Variants in CRACDL observed in about 807,000 individuals in gnomAD.
CRACDL encodes the protein CRACD like.
CRACDL carries 26 observed loss-of-function variants against 70.6 expected under a neutral mutation model. The ratio of observed to expected loss-of-function variants is 0.37; its 90% confidence interval spans 0.27 to 0.51. CRACDL has a LOEUF of 0.51. Among genes scored for constraint, CRACDL ranks in the 20% least tolerant of loss-of-function variants. The pLI is 0.94. For synonymous variants in CRACDL, 618 were observed against 615.2 expected, an observed-to-expected ratio of 1.00 and a Z score of -0.07; for missense variants, 1,283 against 1,376.9, an observed-to-expected ratio of 0.93 and a Z score of 1.08.
intron 1 of CRACDL, among the ~76,000 whole-genome samples, chr2:98,925,270 G>T (rs114474461): frequency 0.038 from 5,838 of 152,268 alleles, 370 homozygotes; most frequent in African/African-American, 0.13. Context: ...GTGCACACTT[G>T]GGGGGAGGAA....
chr2:98,935,780 G>A (rs1709191362), intron 1 of CRACDL, among the ~76,000 whole-genome samples, 158 bp downstream of exon 1: 2 of 152,166 alleles, frequency 1.3e-5, no homozygotes, highest in South Asian at 2.1e-4. Context: ...GGCGGCGGGG[G>A]TGGCGCCTCT....
At chr2:98,852,968 G>C (rs1471696590) in intron 1 of CRACDL, among the ~76,000 whole-genome samples, 6 of 137,764 alleles carry the variant, frequency 4.4e-5, no homozygotes, top group Non-Finnish European at 9.5e-5. Flanking sequence ...GGAAGGGGTG[G>C]GTGCGGGAGA....
At chr2:98,914,742 C>T (rs750093958) in intron 1 of CRACDL, among the ~76,000 whole-genome samples, 1 of 152,200 alleles carries the variant, frequency 6.6e-6, no homozygotes, top group African/African-American at 2.4e-5. Context: ...CTCTGCTGAA[C>T]GTGGGGACAT....
At chr2:98,830,009 C>T (rs1453124534) in intron 5 of CRACDL, among the ~76,000 whole-genome samples, 2 of 152,216 alleles carry the variant, frequency 1.3e-5, no homozygotes, top group Non-Finnish European at 2.9e-5. Flanking sequence ...AGCTGTGGGG[C>T]ATGTATTTGT....
At chr2:98,810,233 T>G (rs1704498705) in intron 7 of CRACDL, among the ~76,000 whole-genome samples, 1 of 151,930 alleles carries the variant, frequency 6.6e-6, no homozygotes, top group African/African-American at 2.4e-5. Flanking sequence ...GTGTACAGAG[T>G]GCCAGGGAGC....
Position 98,823,036 on chromosome 2 carries a change from G to C in CRACDL, c.1237C>G (p.Pro413Ala), listed in dbSNP as rs746399760. The C allele has an allele frequency of 6.5e-6, 10 of 1,526,804 alleles. No homozygotes were observed. In the Admixed American group the frequency reaches 1.4e-4, roughly 21 times the overall value. 94.6% of individuals were successfully genotyped at this position (1,526,804 alleles called of 1,614,324 possible). ...GTGGCGGCGGGGTCAGTCTCGGGGG[G>C]AGTCGTGTCCCCCTCAGGGATGGCG... ...PTAIPEGDTT[P>A]PETDPAATSE... The change falls in exon 7 of 10, where the codon CCC becomes GCC. Residue 413 changes from proline to alanine, a missense_variant. Transcript: ENST00000397899. This position sits in a 1 kb window ranked among gnomAD's most constrained non-coding sequence, Gnocchi z 4.0.
chr2:98,895,665 T>C (rs1335076458), intron 1 of CRACDL, among the ~76,000 whole-genome samples: 1 of 152,128 alleles, frequency 6.6e-6, no homozygotes, highest in East Asian at 1.9e-4. Context: ...ATTCTAAAGG[T>C]AATTAAAGCA....
chr2:98,852,757 A>C (rs1706530963), intron 1 of CRACDL, among the ~76,000 whole-genome samples: 1 of 152,108 alleles, frequency 6.6e-6, no homozygotes, highest in Non-Finnish European at 1.5e-5. Flanking sequence ...TTGAAGAGAG[A>C]TCAATAGAAA....
At chr2:98,899,977 C>G (rs75271472) in intron 1 of CRACDL, among the ~76,000 whole-genome samples, 7 of 62,612 alleles carry the variant, frequency 1.1e-4, no homozygotes, top group South Asian at 5.1e-4. Context: ...TAGGAGGGGA[C>G]ACAGATGGAC....
intron 1 of CRACDL, among the ~76,000 whole-genome samples, chr2:98,930,942 ATGTGTG>A (rs140634438): frequency 2.0e-5 from 3 of 149,756 alleles, no homozygotes; most frequent in East Asian, 2.0e-4. Flanking sequence ...ATGCTCATGT[ATGTGTG>A]TGTGTGTGTG....
At chr2:98,860,334 G>A (rs1216234322) in intron 1 of CRACDL, among the ~76,000 whole-genome samples, 5 of 152,152 alleles carry the variant, frequency 3.3e-5, no homozygotes, top group Non-Finnish European at 7.4e-5. Flanking sequence ...ACCTTGCAAA[G>A]TCAAAATAAT....
At chr2:98,877,018 C>T (rs116622241) in intron 1 of CRACDL, among the ~76,000 whole-genome samples, 7,238 of 152,340 alleles carry the variant, frequency 0.048, 320 homozygotes, top group South Asian at 0.17. Flanking sequence ...TCCATTGCCA[C>T]GCTCCCATTA....
chr2:98,810,012 A>T (rs1704488482), intron 7 of CRACDL, among the ~76,000 whole-genome samples: 1 of 152,190 alleles, frequency 6.6e-6, no homozygotes, highest in African/African-American at 2.4e-5. Flanking sequence ...CACACTCTTC[A>T]GTCTTACCAC....
chr2:98,847,753 G>C (rs1706320254), intron 1 of CRACDL, among the ~76,000 whole-genome samples: 2 of 152,136 alleles, frequency 1.3e-5, no homozygotes, highest in South Asian at 4.1e-4. Flanking sequence ...ATTTCTTACT[G>C]TTAGGTATGA....
rs1310155610 is a variant in CRACDL at position 98,795,075 on chromosome 2, A to ATTTTT, written c.2750-405_2750-404insAAAAA. Among the ~76,000 whole-genome samples the ATTTTT allele has an allele frequency of 2.3e-3, 56 of 24,462 alleles. 4 individuals carry two copies. The highest frequency in any genetic ancestry group is 3.4e-3 in the Non-Finnish European group (36 of 10,436). 16.0% of individuals were successfully genotyped at this position (24,462 alleles called of 152,430 possible). A position where few individuals can be genotyped will look rare whatever the true frequency, so the allele number is the denominator to read the frequency against. On this transcript the variant is annotated intron_variant, in intron 9 of 9. Coordinates refer to ENST00000397899, the MANE Select transcript of CRACDL (RefSeq NM_207362.3). ...TATATATATATATATATATATATAT[A>ATTTTT]TATTTTTTTTTTTTTTTGAGACAGA... is the stretch of plus-strand genomic sequence containing the variant.
rs528607428 is a variant in CRACDL, at chr2:98,837,447, C to A, written c.239+672G>T. Among the ~76,000 whole-genome samples the A allele has an allele frequency of 4.0e-5, 6 of 150,660 alleles. No individual in the cohort carries two copies. The East Asian group carries it at 1.2e-3, about 29-fold the overall frequency. ...AAGAGTTCTATCCTTAAAGGGCCAG[C>A]GTTGTCTTAAAAAAAAAAAGGTAAA... On this transcript the variant is annotated intron_variant, in intron 3 of 9. Transcript: ENST00000397899.
At chr2:98,817,937 C>T (rs1704853222) in intron 7 of CRACDL, among the ~76,000 whole-genome samples, 1 of 152,162 alleles carries the variant, frequency 6.6e-6, no homozygotes. Context: ...TACCCAGAAA[C>T]AAGACAGACT....
intron 1 of CRACDL, among the ~76,000 whole-genome samples, chr2:98,869,538 G>A (rs1267258990): frequency 2.6e-5 from 4 of 152,238 alleles, no homozygotes; most frequent in African/African-American, 4.8e-5. Context: ...AAAGGGCAAT[G>A]GCAGGTGAGG....
chr2:98,853,186 C>G (rs942800333), intron 1 of CRACDL, among the ~76,000 whole-genome samples: 4 of 152,272 alleles, frequency 2.6e-5, no homozygotes, highest in African/African-American at 7.2e-5. Context: ...ATAGACCTCA[C>G]AGAAGTGTGG....
Sources: gnomAD v4.1 joint callset for allele counts (sites outside exome capture counted in the v4.1 genomes callset) on GRCh38, gnomAD v4.1.1 for gene constraint, Gnocchi (gnomAD v3.1) non-coding constraint, MANE v1.5 for transcripts, NCBI Gene and HGNC (gene_info 2026-07-23, HGNC 2026-07-21) for gene names.